GABRG3: variants seen among roughly 807,000 people sequenced by gnomAD.
The protein encoded by GABRG3 is gamma-aminobutyric acid type A receptor subunit gamma3, also known as gamma-aminobutyric acid receptor subunit gamma-3.
Under a neutral mutation model 48.8 loss-of-function variants are expected in GABRG3, and 25 were observed. The observed-to-expected ratio is 0.51, with a 90% confidence interval of 0.37 to 0.72. The LOEUF (loss-of-function observed/expected upper bound fraction) is 0.72. Among genes scored for constraint, GABRG3 ranks in the 30% least tolerant of loss-of-function variants. The pLI is 0.00. For synonymous variants in GABRG3, 227 were observed against 217.6 expected, an observed-to-expected ratio of 1.04 and a Z score of -0.38; for missense variants, 394 against 577.9, an observed-to-expected ratio of 0.68 and a Z score of 3.26.
chr15:27,120,612 G>C (rs138021028), intron 3 of GABRG3, among the ~76,000 whole-genome samples: 1 of 152,084 alleles, frequency 6.6e-6, no homozygotes, highest in East Asian at 1.9e-4. Flanking sequence ...GTCTAATTGC[G>C]TGTGGGCCTT....
chr15:27,070,578 A>C (rs1896811188), intron 3 of GABRG3, among the ~76,000 whole-genome samples: 1 of 152,180 alleles, frequency 6.6e-6, no homozygotes. Context: ...TGGTCAGTTC[A>C]TATTTTTGCC....
chr15:27,420,321 A>G (rs138980970), intron 5 of GABRG3, among the ~76,000 whole-genome samples: 1 of 152,372 alleles, frequency 6.6e-6, no homozygotes, highest in East Asian at 1.9e-4. Context: ...TAAGTGAAAT[A>G]ATCCAGACAC....
chr15:27,313,661 G>A (rs1202759027), intron 3 of GABRG3, among the ~76,000 whole-genome samples: 1 of 151,792 alleles, frequency 6.6e-6, no homozygotes, highest in Non-Finnish European at 1.5e-5. Context: ...GAAATGAAGT[G>A]ACATCAGTAG....
intron 5 of GABRG3, among the ~76,000 whole-genome samples, chr15:27,456,112 A>G (rs948193226): frequency 6.6e-6 from 1 of 152,038 alleles, no homozygotes; most frequent in Non-Finnish European, 1.5e-5. Flanking sequence ...CCTGCAGGTG[A>G]TTCTGTTTTC....
chr15:27,021,728 AGTTACTTAGGAGGCTG>A (rs1483204140), intron 2 of GABRG3, among the ~76,000 whole-genome samples: 1 of 152,128 alleles, frequency 6.6e-6, no homozygotes, highest in African/African-American at 2.4e-5. Flanking sequence ...CTGTAGTCCT[AGTTACTTAGGAGGCTG>A]AGATGAGAGG....
chr15:27,324,851 T>C (rs553287917), intron 3 of GABRG3, among the ~76,000 whole-genome samples: 1 of 152,362 alleles, frequency 6.6e-6, no homozygotes, highest in East Asian at 1.9e-4. Context: ...TATAGGTATT[T>C]GGGCCCTACA....
At chr15:27,490,637 G>A (rs981155771) in intron 6 of GABRG3, among the ~76,000 whole-genome samples, 1 of 152,052 alleles carries the variant, frequency 6.6e-6, no homozygotes, top group Non-Finnish European at 1.5e-5. Context: ...TTTCTTACTG[G>A]TTCTATTTCA....
intron 2 of GABRG3, among the ~76,000 whole-genome samples, chr15:27,007,035 G>C (rs947663251): frequency 5.3e-5 from 8 of 151,158 alleles, no homozygotes; most frequent in African/African-American, 2.0e-4. Flanking sequence ...CCATATCTTT[G>C]CTGTTGTGAA....
chr15:27,289,795 G>A (rs962928278), intron 3 of GABRG3, among the ~76,000 whole-genome samples: 1 of 152,168 alleles, frequency 6.6e-6, no homozygotes. Context: ...ACATCAGTAT[G>A]AGCCCACATG....
At chr15:27,079,138 T>G (rs1163931540) in intron 3 of GABRG3, among the ~76,000 whole-genome samples, 1 of 151,988 alleles carries the variant, frequency 6.6e-6, no homozygotes, top group African/African-American at 2.4e-5. Flanking sequence ...TGATGACTTG[T>G]TTTGGACTGT....
At chr15:27,049,679 A>G (rs1312439055) in intron 3 of GABRG3, among the ~76,000 whole-genome samples, 1 of 152,232 alleles carries the variant, frequency 6.6e-6, no homozygotes, top group Non-Finnish European at 1.5e-5. Context: ...TATATTTAAG[A>G]ATTACATCAG....
At chr15:27,209,251 G>A (rs1449436563) in intron 3 of GABRG3, among the ~76,000 whole-genome samples, 1 of 152,240 alleles carries the variant, frequency 6.6e-6, no homozygotes, top group African/African-American at 2.4e-5. Flanking sequence ...GCCAAACGAA[G>A]AGTGGTTCTG....
intron 5 of GABRG3, among the ~76,000 whole-genome samples, chr15:27,426,021 A>G (rs1888281025): frequency 6.6e-6 from 1 of 152,212 alleles, no homozygotes; most frequent in East Asian, 1.9e-4. Flanking sequence ...ATCACTCGTT[A>G]GCACAGTCTG....
At chr15:27,323,798 T>A (rs1388691762) in intron 3 of GABRG3, among the ~76,000 whole-genome samples, 1 of 152,154 alleles carries the variant, frequency 6.6e-6, no homozygotes, top group East Asian at 1.9e-4. Context: ...ACTCTATCAG[T>A]CTGGACGGGC....
intron 3 of GABRG3, among the ~76,000 whole-genome samples, chr15:27,306,408 T>C (rs1892451134): frequency 7.2e-6 from 1 of 139,832 alleles, no homozygotes; most frequent in Non-Finnish European, 1.5e-5. Flanking sequence ...ATATATAATA[T>C]AAACATGTCT....
At chr15:27,464,260 C>G (rs116169254) in intron 5 of GABRG3, among the ~76,000 whole-genome samples, 2 of 152,148 alleles carry the variant, frequency 1.3e-5, no homozygotes, top group Non-Finnish European at 2.9e-5. Context: ...TAAGCAGTTA[C>G]TCCCTATCCC....
At chr15:27,495,284 G>A in intron 6 of GABRG3, among the ~76,000 whole-genome samples, 1 of 152,116 alleles carries the variant, frequency 6.6e-6, no homozygotes, top group Non-Finnish European at 1.5e-5. Flanking sequence ...CCACGTTGTA[G>A]CCATGTGACA....
chr15:27,476,865 C>T (rs564388643), intron 5 of GABRG3, among the ~76,000 whole-genome samples: 75 of 152,246 alleles, frequency 4.9e-4, no homozygotes, highest in Non-Finnish European at 8.5e-4. Context: ...CATCTGTACA[C>T]ATTATAGTCA....
At position 27,316,343 on chromosome 15, in the gene GABRG3, C is replaced by G. The variant is rs571399520; in HGVS notation, c.271-10466C>G. 3.3e-4 allele frequency among the ~76,000 whole-genome samples: 49 copies of G among 148,278 alleles called. 2 individuals are homozygous for G. The highest frequency in any genetic ancestry group is 1.2e-3 in the African/African-American group (47 of 40,038). On this transcript the variant is annotated intron_variant, in intron 3 of 9. Transcript: ENST00000615808. ...GCAGAGCTTGCAGTGAGCCGAGATC[C>G]CGCCACTGCACTCCAGCCTGGGCGA...
Sources: allele counts gnomAD v4.1 joint callset (sites outside exome capture counted in the v4.1 genomes callset), GRCh38; gene constraint gnomAD v4.1.1; transcripts MANE v1.5; gene names NCBI Gene and HGNC (gene_info 2026-07-23, HGNC 2026-07-21).